ANKRD13C: variants seen among roughly 807,000 people sequenced by gnomAD.
ANKRD13C encodes ankyrin repeat domain 13C, also known as ankyrin repeat domain-containing protein 13C.
Under a neutral mutation model 65.5 loss-of-function variants are expected in ANKRD13C, and 16 were observed. That is an observed-to-expected ratio of 0.24 (90% CI 0.17 to 0.37). The LOEUF is 0.37. ANKRD13C is among the 10% of genes least tolerant of loss of function. The pLI, the probability that ANKRD13C is intolerant of heterozygous loss-of-function variation, is 1.00. For synonymous variants in ANKRD13C, 235 were observed against 238.7 expected (o/e 0.98, Z 0.14); for missense variants, 503 against 655.9 (o/e 0.77, Z 2.55).
intron 5 of ANKRD13C, 64 bp from the exon 6 acceptor site, chr1:70,306,354 T>C: frequency 1.9e-6 from 2 of 1,055,022 alleles, no homozygotes; most frequent in South Asian, 3.4e-5. Flanking sequence ...TACAAACTTT[T>C]AAATTAAAAG....
chr1:70,279,219 A>G (rs776459536), intron 9 of ANKRD13C, among the ~76,000 whole-genome samples: 1 of 151,712 alleles, frequency 6.6e-6, no homozygotes, highest in Non-Finnish European at 1.5e-5. Flanking sequence ...AAGAAATTAA[A>G]AAAGAGAGAG....
At chr1:70,344,187 A>G (rs1205471460) in intron 1 of ANKRD13C, among the ~76,000 whole-genome samples, 1 of 151,208 alleles carries the variant, frequency 6.6e-6, no homozygotes. Flanking sequence ...AGTCCCAGCT[A>G]TTCAGGAGGC....
intron 12 of ANKRD13C, among the ~76,000 whole-genome samples, chr1:70,268,245 C>T (rs1489686203): frequency 6.6e-6 from 1 of 152,024 alleles, no homozygotes; most frequent in Non-Finnish European, 1.5e-5. Flanking sequence ...TCTTGGCTCA[C>T]TGTAACCTCT....
chr1:70,312,444 C>T (rs1397880621), intron 5 of ANKRD13C, among the ~76,000 whole-genome samples: 2 of 151,002 alleles, frequency 1.3e-5, no homozygotes, highest in African/African-American at 4.9e-5. Flanking sequence ...AGTAGCAGCA[C>T]TGGATGGGGC....
chr1:70,313,724 T>A, intron 5 of ANKRD13C, 21 bp downstream of exon 5: 1 of 1,582,036 alleles, frequency 6.3e-7, no homozygotes, highest in Non-Finnish European at 8.7e-7. Context: ...TATTTTATAC[T>A]AAAACATAGC....
intron 3 of ANKRD13C, among the ~76,000 whole-genome samples, chr1:70,323,521 T>C (rs535452947): frequency 6.6e-6 from 1 of 151,780 alleles, no homozygotes; most frequent in Non-Finnish European, 1.5e-5. Flanking sequence ...CAGGCACCTG[T>C]GATCCCAGCT....
intron 2 of ANKRD13C, among the ~76,000 whole-genome samples, chr1:70,326,767 A>C (rs767989034): frequency 1.3e-5 from 2 of 152,122 alleles, no homozygotes; most frequent in African/African-American, 4.8e-5. Context: ...TCATTTTTTA[A>C]GACTAGAGTC....
At chr1:70,300,626 G>A (rs1293901517) in intron 7 of ANKRD13C, 138 bp downstream of exon 7, 20 of 715,880 alleles carry the variant, frequency 2.8e-5, no homozygotes, top group Non-Finnish European at 3.9e-5. Flanking sequence ...AAAGCTAGTG[G>A]TCAGGAAACT....
chr1:70,292,710 T>C (rs909143407), intron 8 of ANKRD13C, among the ~76,000 whole-genome samples, 161 bp from the exon 9 acceptor site: 3 of 152,202 alleles, frequency 2.0e-5, no homozygotes, highest in Admixed American at 2.0e-4. Context: ...ATACAACATA[T>C]ACATCTAAGT....
intron 6 of ANKRD13C, among the ~76,000 whole-genome samples, chr1:70,304,595 T>C (rs1239921672): frequency 6.6e-6 from 1 of 152,056 alleles, no homozygotes; most frequent in Non-Finnish European, 1.5e-5. Context: ...GATGGGGTTT[T>C]GCCATGTTGC....
chr1:70,341,312 T>G (rs1682296982), intron 1 of ANKRD13C, among the ~76,000 whole-genome samples: 2 of 152,016 alleles, frequency 1.3e-5, no homozygotes, highest in Middle Eastern at 6.8e-3. Context: ...TAATCCAGTT[T>G]CACATATACT....
intron 12 of ANKRD13C, among the ~76,000 whole-genome samples, chr1:70,268,904 T>C (rs1009170972): frequency 6.6e-6 from 1 of 152,120 alleles, no homozygotes; most frequent in Non-Finnish European, 1.5e-5. Context: ...AAATTATTAT[T>C]ATACTTTAAG....
chr1:70,318,904 A>G (rs1301348943), intron 3 of ANKRD13C, among the ~76,000 whole-genome samples: 1 of 151,924 alleles, frequency 6.6e-6, no homozygotes, highest in Admixed American at 6.6e-5. Flanking sequence ...GATGGTCTCG[A>G]TCTCTTGACA....
At chr1:70,279,500 C>CTTTTTT (rs757385338) in intron 9 of ANKRD13C, among the ~76,000 whole-genome samples, 8 of 101,280 alleles carry the variant, frequency 7.9e-5, no homozygotes, top group Non-Finnish European at 1.2e-4. Context: ...TTTTGAGCTA[C>CTTTTTT]TTTTTTTTTT....
intron 3 of ANKRD13C, among the ~76,000 whole-genome samples, chr1:70,322,986 T>C (rs1473935248): frequency 6.6e-6 from 1 of 151,444 alleles, no homozygotes; most frequent in Non-Finnish European, 1.5e-5. Flanking sequence ...AGGGTGGAAC[T>C]CCGTCTCAAA....
At chr1:70,332,657 G>A (rs1681863845) in intron 2 of ANKRD13C, among the ~76,000 whole-genome samples, 2 of 152,088 alleles carry the variant, frequency 1.3e-5, no homozygotes, top group East Asian at 3.9e-4. Context: ...GTAGAGATGG[G>A]GTCTTGCCAT....
chr1:70,295,447 C>T (rs149194572), intron 8 of ANKRD13C, among the ~76,000 whole-genome samples: 70 of 152,034 alleles, frequency 4.6e-4, no homozygotes, highest in African/African-American at 1.4e-3. Context: ...AGGTTTTCAC[C>T]GTGTTGGCCA....
At chr1:70,326,951 A>G (rs1681570778) in intron 2 of ANKRD13C, among the ~76,000 whole-genome samples, 1 of 151,828 alleles carries the variant, frequency 6.6e-6, no homozygotes, top group Non-Finnish European at 1.5e-5. Flanking sequence ...AGAATAATGC[A>G]ATGCTACCTA....
intron 9 of ANKRD13C, among the ~76,000 whole-genome samples, chr1:70,281,760 T>G (rs980126519): frequency 4.0e-5 from 6 of 151,542 alleles, no homozygotes; most frequent in Non-Finnish European, 5.9e-5. Flanking sequence ...CAGAATGGGC[T>G]CTCAAACAGA....
Sources: gnomAD v4.1 joint callset for allele counts (sites outside exome capture counted in the v4.1 genomes callset) on GRCh38, gnomAD v4.1.1 for gene constraint, MANE v1.5 for transcripts, NCBI Gene and HGNC (gene_info 2026-07-23, HGNC 2026-07-21) for gene names.